Variants in BDP1 observed in about 807,000 individuals in gnomAD.
BDP1 encodes the protein transcription factor TFIIIB component B'' homolog.
In BDP1, 169 loss-of-function variants were observed where a neutral mutation model predicts 266.6. That is an observed-to-expected ratio of 0.63 (90% CI 0.56 to 0.72). BDP1 has a LOEUF of 0.72. Ranked by LOEUF, BDP1 falls within the 30% of genes least tolerant of loss-of-function variation. BDP1 has a pLI of 0.00. For missense variants in BDP1, 3,015 were observed against 3,053.8 expected, an observed-to-expected ratio of 0.99 and a Z score of 0.30; for synonymous variants, 1,090 against 1,022.4, an observed-to-expected ratio of 1.07 and a Z score of -1.26.
intron 16 of BDP1, among the ~76,000 whole-genome samples, chr5:71,507,917 G>A (rs894220485): frequency 1.3e-5 from 2 of 152,194 alleles, no homozygotes; most frequent in African/African-American, 4.8e-5. Flanking sequence ...AGGAAGGATA[G>A]TATAGGACCT....
intron 38 of BDP1, chr5:71,562,848 G>T: frequency 7.7e-7 from 1 of 1,301,662 alleles, no homozygotes; most frequent in Non-Finnish European, 1.0e-6. Flanking sequence ...TGTAAAACTA[G>T]AATTTGTTCA....
At chr5:71,525,590 T>C (rs1765794408) in intron 25 of BDP1, among the ~76,000 whole-genome samples, 1 of 74,586 alleles carries the variant, frequency 1.3e-5, no homozygotes, top group Non-Finnish European at 2.9e-5. Context: ...GGCGGGGGGC[T>C]GACCCCCCAA....
intron 9 of BDP1, among the ~76,000 whole-genome samples, chr5:71,486,889 A>G (rs1170226335): frequency 6.6e-6 from 1 of 152,236 alleles, no homozygotes; most frequent in Non-Finnish European, 1.5e-5. Flanking sequence ...AAAGAGCATC[A>G]GAATTTGGAG....
At chr5:71,471,344 G>A (rs568161729) in intron 7 of BDP1, among the ~76,000 whole-genome samples, 2 of 152,130 alleles carry the variant, frequency 1.3e-5, no homozygotes, top group African/African-American at 4.8e-5. Flanking sequence ...GTTTTACCAT[G>A]TTCGTCAGCC....
intron 17 of BDP1, chr5:71,511,420 C>T: frequency 8.4e-6 from 3 of 356,846 alleles, no homozygotes; most frequent in Non-Finnish European, 5.0e-6. Flanking sequence ...GAGTTTGAGA[C>T]CAGCCTGGGC....
intron 2 of BDP1, among the ~76,000 whole-genome samples, chr5:71,461,055 C>T (rs1761525723): frequency 6.6e-6 from 1 of 152,214 alleles, no homozygotes; most frequent in Admixed American, 6.5e-5. Context: ...TTGCAGTTCA[C>T]TGCAGCCTCA....
Position 71,532,447 on chromosome 5 carries a change from T to A in BDP1, c.5892+20T>A, listed in dbSNP as rs1232882324. 8 of 1,607,360 alleles carry A rather than the reference T, an allele frequency of 5.0e-6. No homozygotes were observed. In the East Asian group the frequency reaches 6.7e-5, roughly 13 times the overall value. On this transcript the variant is annotated intron_variant, in intron 26 of 38. Transcript: ENST00000358731. ...CCGTTTGTAAGCATCCATTTTAATA[T>A]GTTTTGGCCTTTTATTCTTTGTTTA... is the stretch of plus-strand genomic sequence containing the variant.
chr5:71,524,892 C>A (rs1765705963), intron 25 of BDP1, among the ~76,000 whole-genome samples: 2 of 151,268 alleles, frequency 1.3e-5, no homozygotes, highest in Admixed American at 6.6e-5. Flanking sequence ...TTGCACCACC[C>A]TTAATCCATT....
At chr5:71,551,998 G>A (rs1260492164) in intron 34 of BDP1, among the ~76,000 whole-genome samples, 1 of 147,538 alleles carries the variant, frequency 6.8e-6, no homozygotes, top group Admixed American at 6.7e-5. Flanking sequence ...GCCTGGCGAG[G>A]GCTGACCCCC....
chr5:71,522,524 T>G (rs761173169), intron 23 of BDP1, 34 bp downstream of exon 23: 2 of 1,465,834 alleles, frequency 1.4e-6, no homozygotes, highest in Non-Finnish European at 1.9e-6. Flanking sequence ...AAAAATTTTT[T>G]TTCTCAATGA....
At chr5:71,536,987 G>A (rs1278901998) in intron 26 of BDP1, among the ~76,000 whole-genome samples, 1 of 151,550 alleles carries the variant, frequency 6.6e-6, no homozygotes, top group African/African-American at 2.4e-5. Context: ...AATCAGCCGG[G>A]CATGGTGGCA....
At chr5:71,496,438 ATTT>A (rs10682137) in intron 12 of BDP1, among the ~76,000 whole-genome samples, 4 of 138,646 alleles carry the variant, frequency 2.9e-5, no homozygotes, top group Admixed American at 1.5e-4. Flanking sequence ...ACATTTATGA[ATTT>A]TTTTTTTTTT....
At chr5:71,524,649 T>A (rs1282132511) in intron 25 of BDP1, among the ~76,000 whole-genome samples, 1 of 150,964 alleles carries the variant, frequency 6.6e-6, no homozygotes, top group African/African-American at 2.4e-5. Flanking sequence ...TATTTATTTT[T>A]TTTTATTGAT....
rs1234645672 is a variant in BDP1 at position 71,455,779 on chromosome 5, TG to T, written c.-95del. On this transcript the variant is annotated 5_prime_UTR_variant, in exon 1 of 39. Coordinates refer to ENST00000358731, the MANE Select transcript of BDP1 (RefSeq NM_018429.3). ...CCCCTGAGCTGGTGGTGTGGCTTTG[TG>T]GGGAGGGCGTAGTTCCTAATCCCCT... is the stretch of plus-strand genomic sequence containing the variant. The T allele has an allele frequency of 3.0e-6, 3 of 1,012,746 alleles. No homozygotes were observed. Among genetic ancestry groups the T allele is most frequent in the Non-Finnish European group, 4.3e-6 (3 of 695,882 alleles). 62.7% of individuals were successfully genotyped at this position (1,012,746 alleles called of 1,614,324 possible).
At chr5:71,540,432 A>G (rs1028045482) in intron 28 of BDP1, among the ~76,000 whole-genome samples, 18 of 152,106 alleles carry the variant, frequency 1.2e-4, no homozygotes, top group Non-Finnish European at 2.4e-4. Context: ...GGCTCAAGCA[A>G]TTCTCCTGCC....
intron 2 of BDP1, 99 bp from the exon 3 acceptor site, chr5:71,461,718 C>A: frequency 1.6e-6 from 1 of 640,304 alleles, no homozygotes; most frequent in Non-Finnish European, 2.7e-6. Flanking sequence ...AATATTAAAG[C>A]ACTTACAGTG....
At chr5:71,456,203 T>C (rs1579960732) in intron 1 of BDP1, 114 bp downstream of exon 1, 1 of 1,039,626 alleles carries the variant, frequency 9.6e-7, no homozygotes. Context: ...GCAGTAAGCC[T>C]TTCAGTTGAG....
In BDP1 at chr5:71,457,118, C is replaced by G. The variant is rs902581894; in HGVS notation, c.212+1029C>G. ...TAGTCGCTGTTACATTAATAAAGTT[C>G]TCAGAGATTTCGTTAATTATGTGTG... On this transcript the variant is annotated intron_variant, in intron 1 of 38. Transcript: ENST00000358731. 1.3e-4 allele frequency among the ~76,000 whole-genome samples: 20 copies of G among 151,982 alleles called. 1 individual carries two copies. The highest frequency in any genetic ancestry group is 1.3e-4 in the Admixed American group (2 of 15,248).
In BDP1 at chr5:71,510,274, A is replaced by G. The variant is rs756953108; in HGVS notation, c.3182A>G (p.Glu1061Gly). ...GAGGTCAAGCCTCTAGGTGAAATGG[A>G]GACGGATTTGAAAGCAACTGGAAGA... is the stretch of plus-strand genomic sequence containing the variant. ...LEEVKPLGEM[E>G]TDLKATGRDS... is the part of the protein sequence containing the mutation. Residue 1061 changes from glutamate to glycine, a missense_variant, in exon 17 of 39, where the codon GAG becomes GGG. Coordinates refer to ENST00000358731, the MANE Select transcript of BDP1 (RefSeq NM_018429.3). 2 of 1,614,036 alleles carry G rather than the reference A, an allele frequency of 1.2e-6. No individual in the cohort carries two copies. The highest frequency in any genetic ancestry group is 1.3e-5 in the African/African-American group (1 of 75,010).
Sources: gnomAD v4.1 joint callset for allele counts (sites outside exome capture counted in the v4.1 genomes callset) on GRCh38, gnomAD v4.1.1 for gene constraint, MANE v1.5 for transcripts, NCBI Gene and HGNC (gene_info 2026-07-23, HGNC 2026-07-21) for gene names.